Variants in CFAP77 observed in about 807,000 individuals in gnomAD.
CFAP77 encodes cilia and flagella associated protein 77.
In CFAP77, 25 loss-of-function variants were observed where a neutral mutation model predicts 31.1. That is an observed-to-expected ratio of 0.80 (90% CI 0.59 to 1.12). The LOEUF (loss-of-function observed/expected upper bound fraction) is 1.12, where lower values mean the gene tolerates loss of function less well. Ranked by LOEUF, CFAP77 falls within the 50% of genes most tolerant of loss-of-function variation. CFAP77 has a pLI of 0.00. For synonymous variants in CFAP77, 151 were observed against 159.9 expected, an observed-to-expected ratio of 0.94 and a Z score of 0.42; for missense variants, 377 against 397.3, an observed-to-expected ratio of 0.95 and a Z score of 0.44.
chr9:132,440,167 C>CA (rs202145544), intron 1 of CFAP77, among the ~76,000 whole-genome samples: 2,015 of 151,786 alleles, frequency 0.013, 25 homozygotes, highest in Non-Finnish European at 0.02. Flanking sequence ...CCCCTCTCTA[C>CA]AAAAAATAAA....
At chr9:132,487,194 C>G (rs1303333652) in intron 1 of CFAP77, among the ~76,000 whole-genome samples, 1 of 152,220 alleles carries the variant, frequency 6.6e-6, no homozygotes, top group East Asian at 1.9e-4. Flanking sequence ...AAACACTCTA[C>G]ATACAGCGTC....
intron 3 of CFAP77, chr9:132,513,495 AC>A: frequency 9.9e-7 from 1 of 1,005,278 alleles, no homozygotes. Flanking sequence ...CATGCTTTCC[AC>A]CCAGCGTGCC....
chr9:132,560,165 T>C (rs1852970221), intron 5 of CFAP77, among the ~76,000 whole-genome samples: 1 of 152,322 alleles, frequency 6.6e-6, no homozygotes, highest in East Asian at 1.9e-4. Context: ...GTGAATTATA[T>C]CTCAATAAAG....
At chr9:132,570,184 CTT>C (rs1327434324) in intron 5 of CFAP77, among the ~76,000 whole-genome samples, 2 of 152,226 alleles carry the variant, frequency 1.3e-5, no homozygotes, top group Admixed American at 1.3e-4. Context: ...GGCCTTCTCT[CTT>C]CTCAGTGTGT....
intron 5 of CFAP77, among the ~76,000 whole-genome samples, chr9:132,571,479 C>G (rs1443101837): frequency 2.6e-5 from 4 of 152,218 alleles, no homozygotes; most frequent in Non-Finnish European, 5.9e-5. Flanking sequence ...TGTCTGCTCT[C>G]CCTCTAGAAT....
At chr9:132,447,358 G>C (rs991649482) in intron 1 of CFAP77, among the ~76,000 whole-genome samples, 1 of 152,316 alleles carries the variant, frequency 6.6e-6, no homozygotes. Flanking sequence ...TTGTGTTAGA[G>C]GACCTCTTCC....
chr9:132,515,249 A>C (rs1852125817), intron 3 of CFAP77, among the ~76,000 whole-genome samples: 1 of 152,136 alleles, frequency 6.6e-6, no homozygotes, highest in African/African-American at 2.4e-5. Context: ...CAGACAGAGA[A>C]CCCCGGCTCG....
At chr9:132,569,213 C>T (rs1829924472) in intron 5 of CFAP77, among the ~76,000 whole-genome samples, 1 of 152,092 alleles carries the variant, frequency 6.6e-6, no homozygotes, top group South Asian at 2.1e-4. Flanking sequence ...AGACCACCCT[C>T]AACATATTGA....
chr9:132,472,494 C>T (rs542494704), intron 1 of CFAP77, among the ~76,000 whole-genome samples: 8 of 152,312 alleles, frequency 5.3e-5, no homozygotes, highest in Admixed American at 2.0e-4. Flanking sequence ...CATTGGCTCA[C>T]GCCTGTAATC....
At chr9:132,418,655 C>A (rs532131762) in intron 1 of CFAP77, among the ~76,000 whole-genome samples, 1 of 152,308 alleles carries the variant, frequency 6.6e-6, no homozygotes, top group Non-Finnish European at 1.5e-5. Context: ...CAATCTCTAG[C>A]CTCACCCATG....
intron 1 of CFAP77, among the ~76,000 whole-genome samples, chr9:132,462,449 T>C (rs1173611501): frequency 2.6e-5 from 4 of 152,142 alleles, no homozygotes; most frequent in Non-Finnish European, 5.9e-5. Context: ...TTCCATTACA[T>C]AGATGTCCCA....
At chr9:132,436,773 GA>G (rs1850511766) in intron 1 of CFAP77, among the ~76,000 whole-genome samples, 1 of 152,158 alleles carries the variant, frequency 6.6e-6, no homozygotes, top group African/African-American at 2.4e-5. Flanking sequence ...TCCTGATGGG[GA>G]AAATGCCCAT....
chr9:132,496,792 G>T (rs1215809016), intron 1 of CFAP77, among the ~76,000 whole-genome samples: 2 of 152,210 alleles, frequency 1.3e-5, no homozygotes, highest in Non-Finnish European at 1.5e-5. Flanking sequence ...TTAATATCAG[G>T]CATTTATTGT....
intron 1 of CFAP77, among the ~76,000 whole-genome samples, chr9:132,446,073 G>A (rs781014520): frequency 2.1e-4 from 32 of 151,850 alleles, no homozygotes; most frequent in Non-Finnish European, 3.7e-4. Flanking sequence ...TCCAATTATG[G>A]GTGCTCATTC....
intron 1 of CFAP77, among the ~76,000 whole-genome samples, chr9:132,469,147 G>A (rs1851209057): frequency 6.6e-6 from 1 of 152,188 alleles, no homozygotes; most frequent in Admixed American, 6.5e-5. Context: ...ACTTGCCAGG[G>A]TAGAACGAGC....
intron 5 of CFAP77, among the ~76,000 whole-genome samples, chr9:132,559,330 G>A (rs1852956601): frequency 1.6e-5 from 1 of 64,124 alleles, no homozygotes; most frequent in African/African-American, 6.6e-5. Flanking sequence ...GCGCGTCAGA[G>A]TGAGACTCTG....
intron 3 of CFAP77, among the ~76,000 whole-genome samples, chr9:132,505,484 G>C (rs1851916746): frequency 6.6e-6 from 1 of 152,034 alleles, no homozygotes; most frequent in Non-Finnish European, 1.5e-5. Context: ...TGGAAAATGG[G>C]GGTTGTGTAG....
At position 132,525,735 on chromosome 9, in the gene CFAP77, C is replaced by G. The variant is rs1852347495; in HGVS notation, c.525-11866C>G. Among the ~76,000 whole-genome samples, 3 of 152,218 alleles carry G rather than the reference C, an allele frequency of 2.0e-5. 1 individual carries two copies. The South Asian group carries it at 6.2e-4, about 31-fold the overall frequency. Reference sequence around the variant, plus strand: ...TTCTGTCATCCAAAGATCTTCCTCACACCCCCTATAGTGAACCCTGCTTCC... The same window carrying G: ...TTCTGTCATCCAAAGATCTTCCTCAGACCCCCTATAGTGAACCCTGCTTCC... On this transcript the variant is annotated intron_variant, in intron 3 of 5. Transcript: ENST00000393216.
intron 5 of CFAP77, among the ~76,000 whole-genome samples, chr9:132,551,793 C>A (rs1742895394): frequency 6.6e-6 from 1 of 152,192 alleles, no homozygotes; most frequent in Admixed American, 6.5e-5. Context: ...AAGCCTCAGG[C>A]CCTGAAAGAG....
Sources: gnomAD v4.1 joint callset for allele counts (sites outside exome capture counted in the v4.1 genomes callset) on GRCh38, gnomAD v4.1.1 for gene constraint, MANE v1.5 for transcripts, NCBI Gene and HGNC (gene_info 2026-07-23, HGNC 2026-07-21) for gene names.